WWOX: variants seen among roughly 807,000 people sequenced by gnomAD.
WWOX encodes WW domain-containing oxidoreductase.
WWOX carries 69 observed loss-of-function variants against 46.2 expected under a neutral mutation model. The observed-to-expected ratio is 1.49, with a 90% CI of 1.23 to 1.82. The LOEUF is 1.82. WWOX is among the 40% of genes most tolerant of loss of function. The pLI, the probability that WWOX is intolerant of heterozygous loss-of-function variation, is 0.00. For missense variants in WWOX, 919 were observed against 542.6 expected (o/e 1.69, Z -6.89); for synonymous variants, 359 against 202.6 (o/e 1.77, Z -6.56).
At chr16:78,834,724 A>T (rs1305264779) in intron 8 of WWOX, among the ~76,000 whole-genome samples, 2 of 152,222 alleles carry the variant, frequency 1.3e-5, no homozygotes, top group South Asian at 4.1e-4. Context: ...AGATACAGGT[A>T]CAAAGGGGAT....
intron 8 of WWOX, among the ~76,000 whole-genome samples, chr16:79,010,658 A>T (rs562779182): frequency 3.9e-5 from 6 of 152,222 alleles, no homozygotes; most frequent in Admixed American, 3.3e-4. Context: ...GTTGGAGAAG[A>T]CAGTGGATTG....
chr16:79,168,609 AAGAGAG>A (rs2050640436), intron 8 of WWOX, among the ~76,000 whole-genome samples: 1 of 152,178 alleles, frequency 6.6e-6, no homozygotes, highest in Non-Finnish European at 1.5e-5. Flanking sequence ...GGAGGGAGGC[AAGAGAG>A]TGATAATTAT....
chr16:78,645,445 G>C (rs1036271217), intron 8 of WWOX, among the ~76,000 whole-genome samples: 3 of 152,100 alleles, frequency 2.0e-5, no homozygotes, highest in Non-Finnish European at 2.9e-5. Context: ...TGCCTGAGCT[G>C]GGTCATTTAC....
intron 8 of WWOX, among the ~76,000 whole-genome samples, chr16:79,157,474 G>A (rs1351904351): frequency 2.6e-5 from 4 of 151,700 alleles, no homozygotes; most frequent in Admixed American, 2.6e-4. Context: ...TTGCAGGGTT[G>A]TGTAAAGGAA....
At position 78,410,689 on chromosome 16, in the gene WWOX, C is replaced by G. The variant is rs991769692; in HGVS notation, c.606-14181C>G. On this transcript the variant is annotated intron_variant, in intron 6 of 8. Transcript: ENST00000566780. ...GGCATGGTGGCACATGCATGTAATCCCAGTTAGTTGGGGGGCTAAGGCTGG... is the reference window on the plus strand; with the variant it reads ...GGCATGGTGGCACATGCATGTAATCGCAGTTAGTTGGGGGGCTAAGGCTGG... Among the ~76,000 whole-genome samples the G allele has an allele frequency of 6.6e-5, 10 of 151,086 alleles. No individual in the cohort carries two copies. The South Asian group carries it at 8.6e-4, about 13-fold the overall frequency.
intron 8 of WWOX, among the ~76,000 whole-genome samples, chr16:79,136,944 C>T (rs143201336): frequency 4.9e-4 from 74 of 152,328 alleles, no homozygotes; most frequent in African/African-American, 1.7e-3. Context: ...GATTAATCCT[C>T]CCCCTATCTT....
chr16:79,208,516 A>C (rs530710855), intron 8 of WWOX, among the ~76,000 whole-genome samples: 1 of 152,338 alleles, frequency 6.6e-6, no homozygotes, highest in East Asian at 1.9e-4. Context: ...TTTATAACGG[A>C]GTTGTTAACA....
chr16:79,111,613 G>C (rs1162714010), intron 8 of WWOX, among the ~76,000 whole-genome samples: 4 of 152,180 alleles, frequency 2.6e-5, no homozygotes, highest in Admixed American at 6.5e-5. Context: ...ATAGAAAAGA[G>C]CTGCAATTGT....
At chr16:78,868,554 G>T (rs1412957636) in intron 8 of WWOX, among the ~76,000 whole-genome samples, 1 of 152,144 alleles carries the variant, frequency 6.6e-6, no homozygotes, top group Non-Finnish European at 1.5e-5. Context: ...CATAAAAAAT[G>T]AATTCCAGGA....
intron 8 of WWOX, among the ~76,000 whole-genome samples, chr16:78,957,794 G>A (rs142001377): frequency 6.6e-6 from 1 of 152,314 alleles, no homozygotes; most frequent in East Asian, 1.9e-4. Context: ...CTCTTGTCCT[G>A]TTTTAATCTC....
At chr16:78,789,645 C>G (rs2050545151) in intron 8 of WWOX, among the ~76,000 whole-genome samples, 1 of 152,094 alleles carries the variant, frequency 6.6e-6, no homozygotes, top group East Asian at 1.9e-4. Context: ...CTTGTATTTC[C>G]ATTTGAATTT....
chr16:78,417,794 G>C (rs1456794569), intron 6 of WWOX, among the ~76,000 whole-genome samples: 4 of 152,200 alleles, frequency 2.6e-5, no homozygotes, highest in African/African-American at 7.2e-5. Flanking sequence ...CTGGGCTATT[G>C]AGGGACTGTG....
intron 5 of WWOX, among the ~76,000 whole-genome samples, chr16:78,370,321 A>G (rs970526024): frequency 2.0e-5 from 3 of 152,096 alleles, no homozygotes; most frequent in Admixed American, 2.0e-4. Context: ...AAATGGGTAA[A>G]TTCATATGTA....
intron 7 of WWOX, among the ~76,000 whole-genome samples, chr16:78,428,921 G>A (rs1348267810): frequency 6.6e-6 from 1 of 152,164 alleles, no homozygotes; most frequent in East Asian, 1.9e-4. Context: ...TAGAAGAGTT[G>A]AACCTAGTGG....
chr16:78,904,647 A>T (rs146655923), intron 8 of WWOX, among the ~76,000 whole-genome samples: 1 of 152,098 alleles, frequency 6.6e-6, no homozygotes, highest in African/African-American at 2.4e-5. Flanking sequence ...CACATAATTT[A>T]TCATCCACAC....
At chr16:78,662,169 G>C (rs1482721028) in intron 8 of WWOX, among the ~76,000 whole-genome samples, 1 of 152,114 alleles carries the variant, frequency 6.6e-6, no homozygotes, top group East Asian at 1.9e-4. Context: ...AGGCACAGTG[G>C]GGAGCTACTC....
chr16:79,101,707 C>T (rs1168085123), intron 8 of WWOX: 2 of 149,258 alleles, frequency 1.3e-5, no homozygotes, highest in Non-Finnish European at 3.0e-5. Flanking sequence ...GGGATCATTT[C>T]TCATCCTCTC....
chr16:78,432,080 G>C (rs1374706082), intron 7 of WWOX, among the ~76,000 whole-genome samples: 1 of 151,014 alleles, frequency 6.6e-6, no homozygotes, highest in Non-Finnish European at 1.5e-5. Flanking sequence ...ATGTATGTAA[G>C]ATTGAGTTTT....
At chr16:78,411,901 G>GAAGC (rs1178454491) in intron 6 of WWOX, among the ~76,000 whole-genome samples, 2 of 152,218 alleles carry the variant, frequency 1.3e-5, no homozygotes, top group African/African-American at 4.8e-5. Context: ...AGCGGAGAGG[G>GAAGC]AAGCAGGCTT....
Sources: allele counts gnomAD v4.1 joint callset (sites outside exome capture counted in the v4.1 genomes callset), GRCh38; gene constraint gnomAD v4.1.1; transcripts MANE v1.5; gene names NCBI Gene and HGNC (gene_info 2026-07-23, HGNC 2026-07-21).